AGBL1: variants seen among roughly 807,000 people sequenced by gnomAD.
AGBL1 encodes the protein cytosolic carboxypeptidase 4.
In AGBL1, 130 loss-of-function variants were observed where a neutral mutation model predicts 118.9. The ratio of observed to expected loss-of-function variants is 1.09; its 90% CI spans 0.95 to 1.26. The LOEUF is 1.26. AGBL1 is among the 50% of genes most tolerant of loss of function. AGBL1 has a pLI of 0.00. For synonymous variants in AGBL1, 555 were observed against 478.9 expected (o/e 1.16, Z -2.08); for missense variants, 1,584 against 1,298.1 (o/e 1.22, Z -3.38).
In AGBL1 at chr15:86,780,657, C is replaced by CTTTT. The variant is rs71144066; in HGVS notation, c.3158+106232_3158+106235dup. ...CAATTAATTGGGTCTTCTTTAACTT[C>CTTTT]TTTTTTTTTTTTTTCTTTTGGTGAG... On this transcript the variant is annotated intron_variant, in intron 22 of 22. Coordinates refer to ENST00000614907, the MANE Select transcript of AGBL1 (RefSeq NM_001386094.1). Among the ~76,000 whole-genome samples the CTTTT allele has an allele frequency of 2.2e-4, 32 of 143,000 alleles. 1 individual carries two copies. The highest frequency in any genetic ancestry group is 4.1e-4 in the Non-Finnish European group (27 of 66,178). The allele number at this position is 143,000 out of a possible 152,430, so 93.8% of individuals were successfully genotyped here. A position where few individuals can be genotyped will look rare whatever the true frequency, so the allele number is the denominator to read the frequency against.
chr15:86,386,963 T>C (rs1351663910), intron 17 of AGBL1, among the ~76,000 whole-genome samples: 1 of 152,184 alleles, frequency 6.6e-6, no homozygotes. Context: ...GAGGAGTTAA[T>C]GACAGGAGCT....
At chr15:86,213,160 A>C (rs1230751222) in intron 5 of AGBL1, among the ~76,000 whole-genome samples, 2 of 152,194 alleles carry the variant, frequency 1.3e-5, no homozygotes, top group Non-Finnish European at 2.9e-5. Flanking sequence ...CTCAAAACTA[A>C]AAGATCTCTT....
At chr15:86,228,716 C>G (rs931088403) in intron 6 of AGBL1, among the ~76,000 whole-genome samples, 1 of 152,192 alleles carries the variant, frequency 6.6e-6, no homozygotes, top group Non-Finnish European at 1.5e-5. Context: ...TCAGCTTTCT[C>G]TTTTATCAAG....
chr15:86,640,827 T>C (rs1055837502), intron 21 of AGBL1, among the ~76,000 whole-genome samples: 1 of 152,168 alleles, frequency 6.6e-6, no homozygotes, highest in Non-Finnish European at 1.5e-5. Flanking sequence ...TTAGCCAGTT[T>C]ACATCCTTCC....
intron 17 of AGBL1, among the ~76,000 whole-genome samples, chr15:86,324,011 C>A (rs1339003903): frequency 6.6e-6 from 1 of 152,136 alleles, no homozygotes; most frequent in Non-Finnish European, 1.5e-5. Context: ...AGAAGACTGT[C>A]AATAATTTCT....
intron 21 of AGBL1, among the ~76,000 whole-genome samples, chr15:86,661,443 T>G (rs961376219): frequency 6.6e-6 from 1 of 151,922 alleles, no homozygotes; most frequent in African/African-American, 2.4e-5. Flanking sequence ...ATTAAATGAA[T>G]GAATGAACAA....
chr15:86,702,489 C>G (rs562114267), intron 22 of AGBL1, among the ~76,000 whole-genome samples: 13 of 152,160 alleles, frequency 8.5e-5, no homozygotes, highest in African/African-American at 3.1e-4. Flanking sequence ...TCACTTGTTT[C>G]TCTTTTCTTA....
intron 22 of AGBL1, among the ~76,000 whole-genome samples, chr15:86,683,412 A>G (rs982504132): frequency 2.0e-5 from 3 of 152,186 alleles, no homozygotes; most frequent in Non-Finnish European, 4.4e-5. Context: ...AAGGAGTGAA[A>G]GTACATTTTC....
chr15:86,542,462 G>A (rs1420535030), intron 19 of AGBL1, among the ~76,000 whole-genome samples: 1 of 150,216 alleles, frequency 6.7e-6, no homozygotes, highest in Non-Finnish European at 1.5e-5. Flanking sequence ...CACCTCCCAG[G>A]TTCAAGCAAT....
At chr15:86,325,015 C>G (rs565943067) in intron 17 of AGBL1, among the ~76,000 whole-genome samples, 1 of 152,068 alleles carries the variant, frequency 6.6e-6, no homozygotes, top group Non-Finnish European at 1.5e-5. Context: ...AGACAGGGGA[C>G]AGATCTTGGA....
intron 13 of AGBL1, among the ~76,000 whole-genome samples, chr15:86,267,806 T>C (rs1337694141): frequency 6.6e-6 from 1 of 152,218 alleles, no homozygotes; most frequent in Non-Finnish European, 1.5e-5. Context: ...AAAGGCAAGA[T>C]ACATGATTCA....
intron 22 of AGBL1, among the ~76,000 whole-genome samples, chr15:86,855,709 A>G (rs1226794507): frequency 6.6e-6 from 1 of 152,250 alleles, no homozygotes; most frequent in Non-Finnish European, 1.5e-5. Flanking sequence ...TGATTTAATC[A>G]TAACCTTATC....
chr15:86,782,944 T>A (rs1405077306), intron 22 of AGBL1, among the ~76,000 whole-genome samples: 2 of 152,236 alleles, frequency 1.3e-5, no homozygotes, highest in Non-Finnish European at 2.9e-5. Flanking sequence ...AGCTTTAACT[T>A]GCACTAACCA....
chr15:86,191,270 C>T (rs977557007), intron 5 of AGBL1, among the ~76,000 whole-genome samples: 24 of 141,046 alleles, frequency 1.7e-4, no homozygotes, highest in African/African-American at 6.4e-4. Context: ...ATCACTTGAA[C>T]CTGGGAGGCG....
intron 21 of AGBL1, among the ~76,000 whole-genome samples, chr15:86,577,974 G>A (rs181374047): frequency 6.6e-6 from 1 of 152,310 alleles, no homozygotes; most frequent in Non-Finnish European, 1.5e-5. Flanking sequence ...TGTTGGGTTG[G>A]AACCCCCACA....
chr15:86,178,984 C>G (rs1043816703), intron 5 of AGBL1, among the ~76,000 whole-genome samples: 4 of 152,232 alleles, frequency 2.6e-5, no homozygotes, highest in Middle Eastern at 3.4e-3. Context: ...ACAAAGCATG[C>G]GAAGGGTAGA....
At chr15:86,647,720 T>C (rs896402232) in intron 21 of AGBL1, among the ~76,000 whole-genome samples, 1 of 152,116 alleles carries the variant, frequency 6.6e-6, no homozygotes, top group South Asian at 2.1e-4. Flanking sequence ...AAAGAAAATA[T>C]GTTAAATTTC....
At chr15:86,458,627 C>T (rs2082291318) in intron 18 of AGBL1, among the ~76,000 whole-genome samples, 1 of 152,168 alleles carries the variant, frequency 6.6e-6, no homozygotes. Context: ...CATCAATTTT[C>T]TAACATATTT....
chr15:86,741,392 A>AAAAAT, intron 22 of AGBL1, among the ~76,000 whole-genome samples: 1 of 78,806 alleles, frequency 1.3e-5, no homozygotes, highest in Non-Finnish European at 2.8e-5. Flanking sequence ...AAAAAAAAAA[A>AAAAAT]AAAAAAAAAA....
Sources: allele counts gnomAD v4.1 joint callset (sites outside exome capture counted in the v4.1 genomes callset), GRCh38; gene constraint gnomAD v4.1.1; transcripts MANE v1.5; gene names NCBI Gene and HGNC (gene_info 2026-07-23, HGNC 2026-07-21).